The following ACAP1 variants were observed in gnomAD, a reference collection of about 807,000 sequenced individuals.
ACAP1 encodes the protein arf-GAP with coiled-coil, ANK repeat and PH domain-containing protein 1.
A neutral mutation model predicts 98.8 loss-of-function variants in ACAP1; 45 were observed. The observed-to-expected ratio is 0.46, with a 90% CI of 0.36 to 0.58. The LOEUF (loss-of-function observed/expected upper bound fraction) is 0.58, where lower values mean the gene tolerates loss of function less well. Among genes scored for constraint, ACAP1 ranks in the 20% least tolerant of loss-of-function variants. ACAP1 has a pLI of 0.00. For missense variants in ACAP1, 735 were observed against 971.4 expected, an observed-to-expected ratio of 0.76 and a Z score of 3.24; for synonymous variants, 362 against 375.3, an observed-to-expected ratio of 0.96 and a Z score of 0.41.
intron 2 of ACAP1, among the ~76,000 whole-genome samples, chr17:7,338,284 C>T (rs1368367402): frequency 2.0e-5 from 3 of 151,962 alleles, no homozygotes; most frequent in African/African-American, 7.2e-5. Context: ...GATGGAGTCT[C>T]GCTCTGTCAC....
rs537250936 is a variant in ACAP1 at position 7,340,205 on chromosome 17, A to G, written c.112-1743A>G. ...GAGGATCCCTTGAACCCAGGAGTTC[A>G]AGGCTGCAGTGAGCTATGATCCCAC... On this transcript the variant is annotated intron_variant, in intron 2 of 21. Coordinates refer to ENST00000158762, the MANE Select transcript of ACAP1 (RefSeq NM_014716.4). 2.0e-5 allele frequency among the ~76,000 whole-genome samples: 3 copies of G among 151,808 alleles called. No individual in the cohort carries two copies. In the East Asian group the frequency reaches 6.0e-4, roughly 30 times the overall value.
In ACAP1 at chr17:7,347,602, G is replaced by GT. The variant is rs1368790743; in HGVS notation, c.1344-319dup. On this transcript the variant is annotated intron_variant, in intron 14 of 21. Transcript: ENST00000158762. Reference sequence around the variant, plus strand: ...TAAGGCCCTCGCCCCCCACCTCAGTGTGGTGGAAGGGAGGTGACATGGGAG... The same window carrying GT: ...TAAGGCCCTCGCCCCCCACCTCAGTGTTGGTGGAAGGGAGGTGACATGGGAG... The GT allele has an allele frequency of 1.5e-5, 8 of 537,658 alleles. No homozygotes were observed. In the African/African-American group the frequency reaches 1.5e-4, roughly 10 times the overall value. The allele number at this position is 537,658 out of a possible 1,614,324, so 33.3% of individuals were successfully genotyped here.
intron 2 of ACAP1, among the ~76,000 whole-genome samples, chr17:7,338,643 G>A (rs914170039): frequency 6.6e-6 from 1 of 151,956 alleles, no homozygotes; most frequent in Non-Finnish European, 1.5e-5. Flanking sequence ...GGGCTCAAGT[G>A]ATCCTCCCTC....
At chr17:7,341,854 C>A in intron 2 of ACAP1, 94 bp from the exon 3 acceptor site, 1 of 1,570,740 alleles carries the variant, frequency 6.4e-7, no homozygotes, top group South Asian at 1.2e-5. Flanking sequence ...GGAGCGCCGC[C>A]CTGGGCAAGG....
In ACAP1 at chr17:7,346,804, C is replaced by G; in HGVS notation, c.1008-4C>G. On this transcript the variant is annotated splice_region_variant and splice_polypyrimidine_tract_variant and intron_variant, in intron 12 of 21. Transcript: ENST00000158762. ...TCTGCCATCTCCCTCACCCTCCTAC[C>G]TAGGTCCTGCCTCCTCCAGGCTGAC... The G allele has an allele frequency of 3.1e-6, 5 of 1,611,522 alleles. No individual in the cohort carries two copies. The highest frequency in any genetic ancestry group is 4.2e-6 in the Non-Finnish European group (5 of 1,178,092).
chr17:7,350,252 A>C lies in ACAP1; in HGVS notation c.2072+15A>C. 6.3e-7 allele frequency: 1 copy of C among 1,594,258 alleles called. No homozygotes were observed. Among genetic ancestry groups the C allele is most frequent in the Non-Finnish European group, 8.6e-7 (1 of 1,165,680 alleles). ...ATCGTCACCCTGTAAGAATGCCTGA[A>C]GGGGCGGGGCTGGCGCTGGGACTCC... On this transcript the variant is annotated intron_variant, in intron 20 of 21. Transcript: ENST00000158762. The surrounding 1 kb of genome is among the most constrained non-coding windows in gnomAD (Gnocchi z 4.6).
In ACAP1 at chr17:7,344,773, T is replaced by A; in HGVS notation, c.854+125T>A. On this transcript the variant is annotated intron_variant, in intron 10 of 21. Coordinates refer to ENST00000158762, the MANE Select transcript of ACAP1 (RefSeq NM_014716.4). This position sits in a 1 kb window ranked among gnomAD's most constrained non-coding sequence, Gnocchi z 4.9. Reference sequence around the variant, plus strand: ...CCTGCCTCAGTAGAGTTTCATTCCATCAGCAAAGACAGAGGATAAACCTAG... The same window carrying A: ...CCTGCCTCAGTAGAGTTTCATTCCAACAGCAAAGACAGAGGATAAACCTAG... 4.5e-6 allele frequency: 3 copies of A among 672,392 alleles called. No homozygotes were observed. In the South Asian group the frequency reaches 5.5e-5, roughly 12 times the overall value. The allele number at this position is 672,392 out of a possible 1,614,324, so 41.7% of individuals were successfully genotyped here.
chr17:7,343,469 C>A lies in ACAP1; in HGVS notation c.435C>A (p.Pro145=), dbSNP rs1357256890. The A allele has an allele frequency of 6.2e-7, 1 of 1,614,008 alleles. No homozygotes were observed. The highest frequency in any genetic ancestry group is 8.5e-7 in the Non-Finnish European group (1 of 1,180,018). ...EAALTHNAEV[P]RRRAQEAEEA... The stretch of plus-strand genomic sequence containing the variant: ...CCCTGACCCACAACGCAGAGGTTCC[C>A]AGGCGCCGGGCCCAGGAGGCAGAAG... The change falls in exon 6 of 22, where the codon CCC becomes CCA. Residue 145 remains proline, a synonymous_variant. Transcript: ENST00000158762. This position sits in a 1 kb window ranked among gnomAD's most constrained non-coding sequence, Gnocchi z 4.9.
intron 3 of ACAP1, 103 bp downstream of exon 3, chr17:7,342,170 C>G (rs2073289489): frequency 6.2e-7 from 1 of 1,606,696 alleles, no homozygotes; most frequent in East Asian, 2.2e-5. Context: ...CAGGCCACAG[C>G]AGGGCTGGGC....
Position 7,348,230 on chromosome 17 carries a change from G to C in ACAP1, c.1508+9G>C. On this transcript the variant is annotated intron_variant, in intron 16 of 21. Coordinates refer to ENST00000158762, the MANE Select transcript of ACAP1 (RefSeq NM_014716.4). The stretch of plus-strand genomic sequence containing the variant: ...GGGCCCAGCTGCTCCCGGTGAGCTT[G>C]GGGTTTAGCCTCCCAGGGGAATGGG... The C allele has an allele frequency of 6.2e-7, 1 of 1,613,014 alleles. No homozygotes were observed. The highest frequency in any genetic ancestry group is 8.5e-7 in the Non-Finnish European group (1 of 1,179,458).
At chr17:7,338,566 A>T (rs2143015727) in intron 2 of ACAP1, among the ~76,000 whole-genome samples, 1 of 152,132 alleles carries the variant, frequency 6.6e-6, no homozygotes, top group East Asian at 1.9e-4. Flanking sequence ...CCCGGCCTAC[A>T]AATAATAATT....
At chr17:7,347,837 C>T (rs2073362020) in intron 14 of ACAP1, 85 bp from the exon 15 acceptor site, 1 of 1,208,848 alleles carries the variant, frequency 8.3e-7, no homozygotes, top group Admixed American at 1.7e-5. Context: ...CCAGCCTTGC[C>T]TCCCAGTGTC....
chr17:7,349,371 A>C, intron 18 of ACAP1: 2 of 539,760 alleles, frequency 3.7e-6, no homozygotes, highest in South Asian at 2.8e-5. Flanking sequence ...CTCACCTCTT[A>C]CAGGAGACTT....
chr17:7,348,883 C>T, intron 17 of ACAP1, 112 bp from the exon 18 acceptor site: 1 of 1,006,264 alleles, frequency 9.9e-7, no homozygotes, highest in Non-Finnish European at 1.5e-6. Context: ...CAGTCCCAAG[C>T]TCCCCATCAT....
chr17:7,347,293 G>A (rs536315169), intron 14 of ACAP1, 51 bp downstream of exon 14: 17 of 1,528,284 alleles, frequency 1.1e-5, no homozygotes, highest in East Asian at 4.5e-5. Context: ...GCCACAGTGC[G>A]GCTCCAATAC....
In ACAP1 at chr17:7,342,019, C is replaced by T. The variant is rs201026219; in HGVS notation, c.183C>T (p.Val61=). ...HYLAASRAFV[V]GICDLARLGP... ...TTGCTGCCAGCCGCGCCTTCGTTGT[C>T]GGCATTTGTGACCTGGCCCGCCTGG... Residue 61 remains valine (V), a synonymous_variant, in exon 3 of 22, where the codon GTC becomes GTT. Transcript: ENST00000158762. The T allele has an allele frequency of 4.1e-5, 66 of 1,613,996 alleles. No individual in the cohort carries two copies. Among genetic ancestry groups the T allele is most frequent in the Admixed American group, 4.0e-4 (24 of 60,026 alleles).
intron 2 of ACAP1, among the ~76,000 whole-genome samples, chr17:7,340,587 G>A (rs2073266216): frequency 1.3e-5 from 2 of 152,204 alleles, no homozygotes; most frequent in South Asian, 2.1e-4. Flanking sequence ...GCTCATGCCT[G>A]TAATCCCAGC....
chr17:7,344,233 G>A lies in ACAP1; in HGVS notation c.744+110G>A. 1.6e-6 allele frequency: 2 copies of A among 1,243,376 alleles called. No homozygotes were observed. The highest frequency in any genetic ancestry group is 2.3e-6 in the Non-Finnish European group (2 of 881,788). The allele number at this position is 1,243,376 out of a possible 1,614,324, so 77.0% of individuals were successfully genotyped here. ...TCAAGATTAGCCTAGGCATCGTAGT[G>A]AAACTCCATCTCTACAGAAAATTTT... On this transcript the variant is annotated intron_variant, in intron 9 of 21. Coordinates refer to ENST00000158762, the MANE Select transcript of ACAP1 (RefSeq NM_014716.4). This position sits in a 1 kb window ranked among gnomAD's most constrained non-coding sequence, Gnocchi z 4.9.
intron 17 of ACAP1, 67 bp from the exon 18 acceptor site, chr17:7,348,928 A>T: frequency 1.7e-5 from 24 of 1,453,726 alleles, no homozygotes; most frequent in Non-Finnish European, 2.3e-5. Flanking sequence ...GCATTGGGAC[A>T]CTGCTGAGGG....
Sources: allele counts gnomAD v4.1 joint callset (sites outside exome capture counted in the v4.1 genomes callset), GRCh38; gene constraint gnomAD v4.1.1; non-coding constraint Gnocchi (gnomAD v3.1); transcripts MANE v1.5; gene names NCBI Gene and HGNC (gene_info 2026-07-23, HGNC 2026-07-21).